The following SLIT3 variants were observed in gnomAD, a reference collection of about 807,000 sequenced individuals.
SLIT3 encodes the protein slit guidance ligand 3.
SLIT3 carries 68 observed loss-of-function variants against 184.0 expected under a neutral mutation model. The ratio of observed to expected loss-of-function variants is 0.37; its 90% confidence interval spans 0.30 to 0.45. The LOEUF (loss-of-function observed/expected upper bound fraction) is 0.45, where lower values mean the gene tolerates loss of function less well. SLIT3 is among the 20% of genes least tolerant of loss of function. The probability of loss-of-function intolerance (pLI) is 1.00; values close to 1 mark genes in which losing one functional copy is unlikely to be tolerated. For missense variants in SLIT3, 1,707 were observed against 2,026.0 expected (o/e 0.84, Z 3.02); for synonymous variants, 831 against 828.6 (o/e 1.00, Z -0.05).
intron 1 of SLIT3, among the ~76,000 whole-genome samples, chr5:169,291,593 T>C (rs181245090): frequency 1.3e-5 from 2 of 152,306 alleles, no homozygotes; most frequent in Non-Finnish European, 2.9e-5. Flanking sequence ...TTTCCCCAAA[T>C]TGGACATGAT....
At chr5:168,741,597 C>T (rs962573870) in intron 20 of SLIT3, among the ~76,000 whole-genome samples, 10 of 151,924 alleles carry the variant, frequency 6.6e-5, no homozygotes, top group Non-Finnish European at 8.8e-5. Context: ...GACACAATTG[C>T]TGCTCTCAGG....
chr5:169,168,143 C>G (rs1338219852), intron 4 of SLIT3, among the ~76,000 whole-genome samples: 1 of 152,124 alleles, frequency 6.6e-6, no homozygotes, highest in Non-Finnish European at 1.5e-5. Flanking sequence ...GAACCCAAAT[C>G]CCTCACATCC....
At chr5:168,685,270 C>T (rs1437841075) in intron 31 of SLIT3, among the ~76,000 whole-genome samples, 3 of 152,154 alleles carry the variant, frequency 2.0e-5, no homozygotes, top group Non-Finnish European at 2.9e-5. Flanking sequence ...AAAAAGTTCT[C>T]GAGGTGATTC....
chr5:169,199,340 G>C (rs1763844250), intron 3 of SLIT3, among the ~76,000 whole-genome samples: 1 of 152,076 alleles, frequency 6.6e-6, no homozygotes, highest in African/African-American at 2.4e-5. Context: ...ATGTACGTGA[G>C]GATTCAGGGA....
At chr5:168,672,947 G>A (rs909519348) in intron 33 of SLIT3, among the ~76,000 whole-genome samples, 5 of 152,244 alleles carry the variant, frequency 3.3e-5, no homozygotes, top group African/African-American at 1.2e-4. Flanking sequence ...ACCCTTGCCC[G>A]TCACAACGTG....
At chr5:169,131,045 C>T (rs1207524863) in intron 4 of SLIT3, among the ~76,000 whole-genome samples, 5 of 152,108 alleles carry the variant, frequency 3.3e-5, no homozygotes, top group Non-Finnish European at 7.3e-5. Flanking sequence ...GGCAGAGTGC[C>T]CTTTGAGGCA....
At chr5:168,710,825 C>G (rs991803819) in intron 25 of SLIT3, 70 bp downstream of exon 25, 1 of 1,323,178 alleles carries the variant, frequency 7.6e-7, no homozygotes, top group Non-Finnish European at 9.9e-7. Context: ...ATACCCTGCT[C>G]TGACAGGTTG....
intron 4 of SLIT3, among the ~76,000 whole-genome samples, chr5:169,092,384 G>A (rs749725267): frequency 6.6e-6 from 1 of 152,122 alleles, no homozygotes; most frequent in Non-Finnish European, 1.5e-5. Context: ...GGACCATAGC[G>A]GAGATGTACC....
intron 4 of SLIT3, among the ~76,000 whole-genome samples, chr5:168,884,520 G>T: frequency 9.8e-6 from 1 of 102,016 alleles, no homozygotes; most frequent in Admixed American, 1.3e-4. Flanking sequence ...AAAAAACGTT[G>T]CAGATCTAAC....
intron 28 of SLIT3, among the ~76,000 whole-genome samples, 194 bp downstream of exon 28, chr5:168,696,098 T>C (rs1762056336): frequency 1.3e-5 from 2 of 152,180 alleles, no homozygotes; most frequent in South Asian, 4.1e-4. Context: ...GAGCAGTGAT[T>C]TGCTGGTGGC....
intron 1 of SLIT3, chr5:169,263,700 C>G (rs1766290227): frequency 2.0e-6 from 1 of 510,330 alleles, no homozygotes; most frequent in Admixed American, 2.1e-5. Flanking sequence ...CCCCACACTC[C>G]CCCTGCAGCC....
At chr5:168,977,599 G>A (rs949029653) in intron 4 of SLIT3, among the ~76,000 whole-genome samples, 4 of 152,138 alleles carry the variant, frequency 2.6e-5, no homozygotes, top group Non-Finnish European at 4.4e-5. Context: ...AGGGTAAGTG[G>A]CATCTGTTCA....
At chr5:168,780,828 T>C (rs986373242) in intron 12 of SLIT3, among the ~76,000 whole-genome samples, 1 of 152,182 alleles carries the variant, frequency 6.6e-6, no homozygotes, top group Non-Finnish European at 1.5e-5. Flanking sequence ...CTATAAAATA[T>C]GGGGATTAAT....
At chr5:169,214,796 G>A (rs1764383239) in intron 3 of SLIT3, among the ~76,000 whole-genome samples, 2 of 152,190 alleles carry the variant, frequency 1.3e-5, no homozygotes, top group Admixed American at 1.3e-4. Flanking sequence ...CCATCTCAGA[G>A]AATAGCTCTG....
At chr5:169,220,734 T>C (rs1300097852) in intron 3 of SLIT3, among the ~76,000 whole-genome samples, 1 of 152,156 alleles carries the variant, frequency 6.6e-6, no homozygotes, top group Non-Finnish European at 1.5e-5. Context: ...TAGTCAATAG[T>C]AACAATAAAA....
At chr5:168,686,462 A>G (rs1352348568) in intron 30 of SLIT3, among the ~76,000 whole-genome samples, 1 of 152,224 alleles carries the variant, frequency 6.6e-6, no homozygotes, top group Non-Finnish European at 1.5e-5. Flanking sequence ...AACACTATAT[A>G]CTAAGTGAAA....
At chr5:168,796,340 G>A (rs760164384) in intron 9 of SLIT3, among the ~76,000 whole-genome samples, 1 of 152,218 alleles carries the variant, frequency 6.6e-6, no homozygotes, top group Non-Finnish European at 1.5e-5. Context: ...GAATGAGTGA[G>A]CATTTCCATT....
chr5:168,723,915 G>A (rs1166049233), intron 21 of SLIT3, among the ~76,000 whole-genome samples: 1 of 152,102 alleles, frequency 6.6e-6, no homozygotes, highest in East Asian at 1.9e-4. Context: ...CATTGCTTTA[G>A]AGCAGTGATT....
chr5:169,020,239 T>A (rs371253355), intron 4 of SLIT3, among the ~76,000 whole-genome samples: 43 of 152,318 alleles, frequency 2.8e-4, no homozygotes, highest in African/African-American at 9.4e-4. Flanking sequence ...AACAAACATA[T>A]TTCCTTGTCT....
Sources: allele counts gnomAD v4.1 joint callset (sites outside exome capture counted in the v4.1 genomes callset), GRCh38; gene constraint gnomAD v4.1.1; transcripts MANE v1.5; gene names NCBI Gene and HGNC (gene_info 2026-07-23, HGNC 2026-07-21).